SIPA1L1: variants seen among roughly 807,000 people sequenced by gnomAD.
The protein encoded by SIPA1L1 is signal-induced proliferation-associated 1-like protein 1.
SIPA1L1 carries 26 observed loss-of-function variants against 162.7 expected under a neutral mutation model. The ratio of observed to expected loss-of-function variants is 0.16; its 90% CI spans 0.12 to 0.22. SIPA1L1 has a LOEUF of 0.22. SIPA1L1 is among the 10% of genes least tolerant of loss of function. SIPA1L1 has a pLI of 1.00. For missense variants in SIPA1L1, 1,874 were observed against 2,241.0 expected, an observed-to-expected ratio of 0.84 and a Z score of 3.31; for synonymous variants, 829 against 837.4, an observed-to-expected ratio of 0.99 and a Z score of 0.17.
At chr14:71,444,264 A>C (rs144915397) in intron 2 of SIPA1L1, among the ~76,000 whole-genome samples, 255 of 152,308 alleles carry the variant, frequency 1.7e-3, no homozygotes, top group African/African-American at 5.8e-3. Context: ...TACAAATAGC[A>C]CGGAGCTACA....
At chr14:71,459,223 C>G (rs1429105302) in intron 2 of SIPA1L1, among the ~76,000 whole-genome samples, 3 of 152,130 alleles carry the variant, frequency 2.0e-5, no homozygotes, top group Admixed American at 6.5e-5. Context: ...CACACACTTG[C>G]AGGTGATATG....
chr14:71,402,721 T>C (rs1195766556), intron 2 of SIPA1L1, among the ~76,000 whole-genome samples: 3 of 152,106 alleles, frequency 2.0e-5, no homozygotes, highest in African/African-American at 7.2e-5. Flanking sequence ...TGTCCTAGGA[T>C]TGTTGTATTG....
At position 71,709,261 on chromosome 14, in the gene SIPA1L1, C is replaced by G; in HGVS notation, c.3805C>G (p.Leu1269Val). The G allele has an allele frequency of 1.2e-6, 2 of 1,614,188 alleles. No homozygotes were observed. The highest frequency in any genetic ancestry group is 1.7e-6 in the Non-Finnish European group (2 of 1,180,034). The change falls in exon 17 of 24, where the codon CTC becomes GTC. Residue 1269 changes from leucine to valine, a missense_variant. Transcript: ENST00000381232. ...HYSSHSSSNT[L>V]SSNASSAHSD... ...CTCGAGCCACTCCAGTAGCAATACT[C>G]TCTCCAGCAATGCGTCAAGTGCCCA...
At chr14:71,650,537 G>C (rs757080926) in intron 8 of SIPA1L1, 28 bp downstream of exon 8, 42 of 1,606,754 alleles carry the variant, frequency 2.6e-5, no homozygotes, top group Non-Finnish European at 3.1e-5. Flanking sequence ...CCTCCTACTA[G>C]GCTTATTTTC....
chr14:71,599,898 A>G (rs1022423072), intron 5 of SIPA1L1, among the ~76,000 whole-genome samples: 22 of 151,848 alleles, frequency 1.4e-4, no homozygotes, highest in African/African-American at 5.3e-4. Flanking sequence ...TTATATACCT[A>G]TTGGCCATAT....
chr14:71,528,386 A>G (rs189658475), intron 3 of SIPA1L1, among the ~76,000 whole-genome samples: 23 of 152,234 alleles, frequency 1.5e-4, no homozygotes, highest in Admixed American at 1.2e-3. Flanking sequence ...TGGGCGCAGT[A>G]TCTCACGTCT....
At chr14:71,650,759 C>T (rs186968553) in intron 8 of SIPA1L1, among the ~76,000 whole-genome samples, 16 of 152,206 alleles carry the variant, frequency 1.1e-4, no homozygotes, top group Middle Eastern at 3.4e-3. Context: ...TGACACAGAT[C>T]GTGCAGAATT....
intron 4 of SIPA1L1, among the ~76,000 whole-genome samples, chr14:71,569,193 A>C (rs1220376986): frequency 6.6e-6 from 1 of 152,200 alleles, no homozygotes; most frequent in African/African-American, 2.4e-5. Context: ...AGCAGATTTG[A>C]ATGATCAACA....
At chr14:71,332,677 A>T (rs1041684781) in intron 2 of SIPA1L1, among the ~76,000 whole-genome samples, 2 of 152,122 alleles carry the variant, frequency 1.3e-5, no homozygotes, top group African/African-American at 4.8e-5. Flanking sequence ...AGTTATGACT[A>T]GTCCTGGGTT....
intron 13 of SIPA1L1, among the ~76,000 whole-genome samples, chr14:71,689,302 T>C (rs1360122644): frequency 6.6e-6 from 1 of 152,202 alleles, no homozygotes; most frequent in Admixed American, 6.5e-5. Flanking sequence ...CTAATTTCTA[T>C]TTGGTTTAAA....
At chr14:71,556,404 A>G (rs1469199349) in intron 4 of SIPA1L1, among the ~76,000 whole-genome samples, 52 of 152,132 alleles carry the variant, frequency 3.4e-4, no homozygotes, top group Admixed American at 3.4e-3. Flanking sequence ...CCACCCTAAG[A>G]TAGTGTCAGA....
At chr14:71,624,762 C>G (rs1223882491) in intron 7 of SIPA1L1, among the ~76,000 whole-genome samples, 3 of 152,126 alleles carry the variant, frequency 2.0e-5, no homozygotes, top group African/African-American at 7.2e-5. Context: ...AGTTTTGGAA[C>G]CAGGGTGCAA....
chr14:71,366,729 T>C (rs964430290), intron 2 of SIPA1L1, among the ~76,000 whole-genome samples: 2 of 152,142 alleles, frequency 1.3e-5, no homozygotes, highest in Non-Finnish European at 2.9e-5. Flanking sequence ...TGGCTCTGCA[T>C]TTATTAACTG....
chr14:71,596,909 C>T (rs1305852121), intron 5 of SIPA1L1, among the ~76,000 whole-genome samples: 5 of 152,010 alleles, frequency 3.3e-5, no homozygotes, highest in South Asian at 4.1e-4. Flanking sequence ...TAGTTCTGTA[C>T]GTTCTATCAG....
At chr14:71,428,348 T>A (rs537099086) in intron 2 of SIPA1L1, among the ~76,000 whole-genome samples, 120 of 151,956 alleles carry the variant, frequency 7.9e-4, no homozygotes, top group African/African-American at 2.8e-3. Flanking sequence ...AATCAGATTC[T>A]CCCCCTTCCT....
At chr14:71,636,419 T>TA (rs1414334894) in intron 7 of SIPA1L1, among the ~76,000 whole-genome samples, 1 of 152,004 alleles carries the variant, frequency 6.6e-6, no homozygotes, top group South Asian at 2.1e-4. Flanking sequence ...ACTTGGAAAC[T>TA]AAAAAAACAG....
At chr14:71,544,014 T>TAC (rs1567179699) in intron 4 of SIPA1L1, among the ~76,000 whole-genome samples, 2 of 148,384 alleles carry the variant, frequency 1.3e-5, no homozygotes, top group African/African-American at 5.2e-5. Context: ...CATGTATATA[T>TAC]ACACATACGC....
intron 7 of SIPA1L1, among the ~76,000 whole-genome samples, chr14:71,625,974 T>C (rs1045437901): frequency 6.6e-6 from 1 of 152,184 alleles, no homozygotes; most frequent in Admixed American, 6.5e-5. Flanking sequence ...TCACAGACGG[T>C]GCTGATCTGT....
At chr14:71,328,563 G>A (rs1049399792) in intron 2 of SIPA1L1, among the ~76,000 whole-genome samples, 2 of 152,176 alleles carry the variant, frequency 1.3e-5, no homozygotes, top group African/African-American at 4.8e-5. Context: ...AAACCAGAAT[G>A]CAGCCAACTG....
Sources: allele counts gnomAD v4.1 joint callset (sites outside exome capture counted in the v4.1 genomes callset), GRCh38; gene constraint gnomAD v4.1.1; transcripts MANE v1.5; gene names NCBI Gene and HGNC (gene_info 2026-07-23, HGNC 2026-07-21).